CASD1: variants seen among roughly 807,000 people sequenced by gnomAD.
CASD1 encodes N-acetylneuraminate (7)9-O-acetyltransferase.
CASD1 carries 41 observed loss-of-function variants against 100.0 expected under a neutral mutation model. That is an observed-to-expected ratio of 0.41 (90% CI 0.32 to 0.53). CASD1 has a LOEUF of 0.53. CASD1 is among the 20% of genes least tolerant of loss of function. The pLI, the probability that CASD1 is intolerant of heterozygous loss-of-function variation, is 0.25. For missense variants in CASD1, 774 were observed against 948.7 expected (o/e 0.82, Z 2.42); for synonymous variants, 321 against 315.6 (o/e 1.02, Z -0.18).
chr7:94,581,063 C>CA, the CASD1 span, among the ~76,000 whole-genome samples: 1 of 152,190 alleles, frequency 6.6e-6, no homozygotes, highest in African/African-American at 2.4e-5. Flanking sequence ...CACATAGACT[C>CA]AAAGGCCAAT....
At chr7:94,582,595 G>A in the CASD1 span, among the ~76,000 whole-genome samples, 2 of 152,114 alleles carry the variant, frequency 1.3e-5, no homozygotes, top group African/African-American at 4.8e-5. Context: ...CTCCCATTCT[G>A]TAGGTTGTCT....
intron 3 of CASD1, among the ~76,000 whole-genome samples, chr7:94,525,877 T>C (rs1263315089): frequency 1.3e-5 from 2 of 152,228 alleles, no homozygotes; most frequent in Non-Finnish European, 2.9e-5. Flanking sequence ...TTTGAATTAA[T>C]GAAAACATTT....
At chr7:94,593,998 G>A in the CASD1 span, among the ~76,000 whole-genome samples, 2 of 152,148 alleles carry the variant, frequency 1.3e-5, no homozygotes, top group Non-Finnish European at 2.9e-5. Flanking sequence ...GCCCCAGAAT[G>A]TGTACTGTAA....
chr7:94,586,060 T>TAAAAAAA, the CASD1 span, among the ~76,000 whole-genome samples: 1 of 5,938 alleles, frequency 1.7e-4, no homozygotes, highest in African/African-American at 1.1e-3. Context: ...AGGAACTAAA[T>TAAAAAAA]GAAAAAAAAA....
chr7:94,517,632 G>A lies in CASD1; in HGVS notation c.206G>A (p.Cys69Tyr), dbSNP rs745931185. The change falls in exon 2 of 18, where the codon TGT (cysteine) becomes TAT (tyrosine). Residue 69 changes from cysteine (C) to tyrosine (Y), a missense_variant. Cys to Tyr is a radical substitution (Grantham distance 194). Transcript: ENST00000297273. ...GAGAAAGTTTGGCAACCTCACAGTT[G>A]TATGATGCATAAATACAAAATCAGG... ...LGEKVWQPHS[C>Y]MMHKYKISEA... 6.2e-7 allele frequency: 1 copy of A among 1,608,450 alleles called. No homozygotes were observed. Among genetic ancestry groups the A allele is most frequent in the Non-Finnish European group, 8.5e-7 (1 of 1,176,248 alleles).
chr7:94,520,475 T>C (rs574176343), intron 3 of CASD1, among the ~76,000 whole-genome samples: 126 of 152,324 alleles, frequency 8.3e-4, no homozygotes, highest in African/African-American at 2.8e-3. Context: ...GAAGCTTTGG[T>C]CAAATAAATT....
At chr7:94,571,884 A>C in the CASD1 span, among the ~76,000 whole-genome samples, 1 of 146,954 alleles carries the variant, frequency 6.8e-6, no homozygotes, top group South Asian at 2.2e-4. Context: ...AAAAAAAAAA[A>C]TGGTCAGAAG....
the CASD1 span, among the ~76,000 whole-genome samples, chr7:94,602,421 A>G: frequency 6.6e-6 from 1 of 152,134 alleles, no homozygotes; most frequent in East Asian, 1.9e-4. Flanking sequence ...CTGGCTCTCT[A>G]AGACATGAAG....
the CASD1 span, chr7:94,622,704 G>A: frequency 1.3e-5 from 2 of 151,652 alleles, no homozygotes; most frequent in East Asian, 3.9e-4. Flanking sequence ...ATTTGAGAGT[G>A]TAATTCTGAG....
chr7:94,601,552 A>T, the CASD1 span, among the ~76,000 whole-genome samples: 1 of 150,838 alleles, frequency 6.6e-6, no homozygotes, highest in Non-Finnish European at 1.5e-5. Context: ...TAATTATGCT[A>T]AGGTTTTTAT....
chr7:94,554,524 C>T lies in CASD1; in HGVS notation c.2076C>T (p.Ala692=). 1 of 1,611,944 alleles carries T rather than the reference C, an allele frequency of 6.2e-7. No homozygotes were observed. Among genetic ancestry groups the T allele is most frequent in the South Asian group, 1.1e-5 (1 of 90,914 alleles). ...TAATAAGAAACATCCCTGGATATGC[C>T]CGTTCAGTTTACAGTTCATTTTTTG... ...FILIRNIPGY[A]RSVYSSFFAW... The change falls in exon 17 of 18, where the codon GCC becomes GCT. Residue 692 remains alanine (A), a synonymous_variant. Coordinates refer to ENST00000297273, the MANE Select transcript of CASD1 (RefSeq NM_022900.5).
intron 1 of CASD1, among the ~76,000 whole-genome samples, chr7:94,516,200 A>T (rs1184930387): frequency 6.6e-6 from 1 of 152,150 alleles, no homozygotes; most frequent in African/African-American, 2.4e-5. Context: ...CACAAATTTA[A>T]TAATTGATAC....
At chr7:94,631,707 T>C in the CASD1 span, among the ~76,000 whole-genome samples, 3 of 151,582 alleles carry the variant, frequency 2.0e-5, no homozygotes, top group African/African-American at 4.8e-5. Flanking sequence ...AAATTTAAGG[T>C]AGGGGGAGGC....
At chr7:94,582,358 A>G in the CASD1 span, among the ~76,000 whole-genome samples, 1 of 152,186 alleles carries the variant, frequency 6.6e-6, no homozygotes, top group Admixed American at 6.5e-5. Context: ...CTACCCCTCA[A>G]GTGATCTGCC....
the CASD1 span, among the ~76,000 whole-genome samples, chr7:94,608,009 A>G: frequency 3.3e-5 from 5 of 152,204 alleles, no homozygotes; most frequent in Non-Finnish European, 7.3e-5. Flanking sequence ...AATAAAGTCC[A>G]TCACTTTCCT....
At chr7:94,536,970 A>G (rs1314201061) in intron 8 of CASD1, among the ~76,000 whole-genome samples, 3 of 152,182 alleles carry the variant, frequency 2.0e-5, no homozygotes, top group Non-Finnish European at 4.4e-5. Context: ...ATAATTTTTT[A>G]GTGGCAGTTA....
chr7:94,515,964 C>T (rs1456060138), intron 1 of CASD1, among the ~76,000 whole-genome samples: 1 of 152,034 alleles, frequency 6.6e-6, no homozygotes, highest in South Asian at 2.1e-4. Context: ...TAAAAGAATG[C>T]TACAGAAATG....
the CASD1 span, chr7:94,598,921 C>T: frequency 2.5e-6 from 4 of 1,613,862 alleles, no homozygotes; most frequent in African/African-American, 5.3e-5. Flanking sequence ...CTCGAAGCTC[C>T]TTGGTAGATT....
In CASD1 at chr7:94,510,047, C is replaced by T. The variant is rs759635394; in HGVS notation, c.-38C>T. 2 of 1,474,532 alleles carry T rather than the reference C, an allele frequency of 1.4e-6. No individual in the cohort carries two copies. Among genetic ancestry groups the T allele is most frequent in the South Asian group, 1.3e-5 (1 of 76,284 alleles). The allele number at this position is 1,474,532 out of a possible 1,614,324, so 91.3% of individuals were successfully genotyped here. ...TGCTGCCCCTGTGCGGCGCCCCTTT[C>T]CCGCTCCGCCGCGCACTGTTGTCAT... On this transcript the variant is annotated 5_prime_UTR_variant, in exon 1 of 18. Coordinates refer to ENST00000297273, the MANE Select transcript of CASD1 (RefSeq NM_022900.5).
Sources: gnomAD v4.1 joint callset for allele counts (sites outside exome capture counted in the v4.1 genomes callset) on GRCh38, gnomAD v4.1.1 for gene constraint, MANE v1.5 for transcripts, NCBI Gene and HGNC (gene_info 2026-07-23, HGNC 2026-07-21) for gene names.